The following UGT1A5 variants were observed in gnomAD, a reference collection of about 807,000 sequenced individuals.
UGT1A5 encodes UDP glucuronosyltransferase family 1 member A5.
In UGT1A5, 29 loss-of-function variants were observed where a neutral mutation model predicts 40.3. The ratio of observed to expected loss-of-function variants is 0.72; its 90% CI spans 0.54 to 0.98. UGT1A5 has a LOEUF of 0.98. UGT1A5 is among the 50% of genes least tolerant of loss of function. The pLI is 0.00. For missense variants in UGT1A5, 678 were observed against 677.9 expected, an observed-to-expected ratio of 1.00 and a Z score of 0.00; for synonymous variants, 257 against 262.5, an observed-to-expected ratio of 0.98 and a Z score of 0.20.
intron 1 of UGT1A5, among the ~76,000 whole-genome samples, chr2:233,745,990 G>A (rs1261244723): frequency 3.3e-5 from 5 of 151,696 alleles, no homozygotes; most frequent in African/African-American, 1.2e-4. Context: ...TGACAGCTGG[G>A]TCTGAGAGAC....
intron 2 of UGT1A5, 34 bp downstream of exon 2, chr2:233,767,199 T>C (rs2126030914): frequency 1.9e-6 from 3 of 1,613,616 alleles, no homozygotes; most frequent in East Asian, 4.5e-5. Flanking sequence ...CTCATATCTA[T>C]TTTCACAGGA....
At chr2:233,725,719 T>C (rs1457326053) in intron 1 of UGT1A5, among the ~76,000 whole-genome samples, 1 of 152,208 alleles carries the variant, frequency 6.6e-6, no homozygotes, top group Non-Finnish European at 1.5e-5. Context: ...TACCATATGG[T>C]CAATGTTTAC....
intron 1 of UGT1A5, among the ~76,000 whole-genome samples, chr2:233,717,169 G>A (rs976898395): frequency 6.6e-6 from 1 of 152,210 alleles, no homozygotes; most frequent in African/African-American, 2.4e-5. Flanking sequence ...CCCCTTGAAT[G>A]TGGCAAGAGC....
chr2:233,736,234 T>G (rs1035352456), intron 1 of UGT1A5, among the ~76,000 whole-genome samples: 1 of 152,188 alleles, frequency 6.6e-6, no homozygotes, highest in Admixed American at 6.5e-5. Context: ...TCTCTAACCT[T>G]GTCTTCTCAC....
intron 1 of UGT1A5, chr2:233,741,630 C>G (rs1050074339): frequency 1.3e-5 from 2 of 151,896 alleles, no homozygotes; most frequent in African/African-American, 4.9e-5. Flanking sequence ...CCATGAGCCC[C>G]TGTGGGATGG....
chr2:233,718,896 G>T (rs763201473), intron 1 of UGT1A5: 1 of 1,614,046 alleles, frequency 6.2e-7, no homozygotes, highest in Non-Finnish European at 8.5e-7. Context: ...CCAGCCCTGG[G>T]CTGAGAGTGG....
chr2:233,729,830 C>T, intron 1 of UGT1A5: 2 of 1,613,904 alleles, frequency 1.2e-6, no homozygotes, highest in Non-Finnish European at 1.7e-6. Flanking sequence ...GCAAGCCTTG[C>T]CTCTGAGCTT....
chr2:233,752,917 C>T (rs758108184), intron 1 of UGT1A5, among the ~76,000 whole-genome samples: 1 of 152,208 alleles, frequency 6.6e-6, no homozygotes, highest in Non-Finnish European at 1.5e-5. Flanking sequence ...CTCTGAGTGA[C>T]ACTGGTATGC....
chr2:233,758,250 G>A (rs564739721), intron 1 of UGT1A5, among the ~76,000 whole-genome samples: 109 of 152,302 alleles, frequency 7.2e-4, no homozygotes, highest in African/African-American at 2.6e-3. Context: ...CCACTATTCA[G>A]ATTAGTAAGT....
intron 4 of UGT1A5, among the ~76,000 whole-genome samples, chr2:233,768,657 G>A (rs1265555530): frequency 7.1e-6 from 1 of 141,016 alleles, no homozygotes; most frequent in East Asian, 2.1e-4. Context: ...TGCAATCTTG[G>A]CTTACTGCAA....
At chr2:233,739,626 A>G (rs1691159649) in intron 1 of UGT1A5, among the ~76,000 whole-genome samples, 1 of 152,210 alleles carries the variant, frequency 6.6e-6, no homozygotes, top group Non-Finnish European at 1.5e-5. Flanking sequence ...CTCCCATTTG[A>G]AATGGGAACA....
At chr2:233,738,804 C>A (rs532221279) in intron 1 of UGT1A5, 1 of 152,292 alleles carries the variant, frequency 6.6e-6, no homozygotes, top group African/African-American at 2.4e-5. Flanking sequence ...GAAATACTAG[C>A]TAAAGAAATT....
At chr2:233,760,286 C>T in intron 1 of UGT1A5, 1 of 1,613,058 alleles carries the variant, frequency 6.2e-7, no homozygotes, top group Non-Finnish European at 8.5e-7. Flanking sequence ...AGCAAAGGCG[C>T]CATGGCTGTG....
At chr2:233,738,538 T>C (rs1559382457) in intron 1 of UGT1A5, among the ~76,000 whole-genome samples, 1 of 152,194 alleles carries the variant, frequency 6.6e-6, no homozygotes, top group Non-Finnish European at 1.5e-5. Context: ...AAGTCCAGGC[T>C]GAGTCTCAGA....
chr2:233,729,487 T>C (rs1189520708), intron 1 of UGT1A5: 17 of 1,614,220 alleles, frequency 1.1e-5, no homozygotes, highest in Non-Finnish European at 1.4e-5. Flanking sequence ...GAACAATATG[T>C]CTTTGGTCTA....
chr2:233,731,290 T>TC (rs2078133988), intron 1 of UGT1A5, among the ~76,000 whole-genome samples: 1 of 151,998 alleles, frequency 6.6e-6, no homozygotes, highest in Non-Finnish European at 1.5e-5. Context: ...CTTTCTTTTT[T>TC]TTTTTTTTAT....
chr2:233,754,489 A>T, intron 1 of UGT1A5: 1 of 357,276 alleles, frequency 2.8e-6, no homozygotes. Context: ...TTTCAATCCT[A>T]AAAAAAGTCC....
At chr2:233,718,271 A>C (rs1315194917) in intron 1 of UGT1A5, among the ~76,000 whole-genome samples, 1 of 152,228 alleles carries the variant, frequency 6.6e-6, no homozygotes, top group Non-Finnish European at 1.5e-5. Flanking sequence ...GTGTGAAAAA[A>C]GACCAAAACC....
intron 1 of UGT1A5, chr2:233,719,818 A>G: frequency 6.3e-7 from 1 of 1,577,544 alleles, no homozygotes; most frequent in Non-Finnish European, 8.6e-7. Flanking sequence ...ATAACAGATA[A>G]ACTGTTGAGG....
Sources: allele counts gnomAD v4.1 joint callset (sites outside exome capture counted in the v4.1 genomes callset), GRCh38; gene constraint gnomAD v4.1.1; transcripts MANE v1.5; gene names NCBI Gene and HGNC (gene_info 2026-07-23, HGNC 2026-07-21).